The following PHKB variants were observed in gnomAD, a reference collection of about 807,000 sequenced individuals.
The protein encoded by PHKB is phosphorylase kinase regulatory subunit beta, also known as phosphorylase b kinase regulatory subunit beta.
PHKB carries 122 observed loss-of-function variants against 152.1 expected under a neutral mutation model. The ratio of observed to expected loss-of-function variants is 0.80; its 90% CI spans 0.69 to 0.93. The LOEUF is 0.93. PHKB is among the 40% of genes least tolerant of loss of function. The pLI, the probability that PHKB is intolerant of heterozygous loss-of-function variation, is 0.00. For missense variants in PHKB, 1,304 were observed against 1,328.4 expected, an observed-to-expected ratio of 0.98 and a Z score of 0.29; for synonymous variants, 436 against 464.9, an observed-to-expected ratio of 0.94 and a Z score of 0.80.
At chr16:47,646,657 T>C (rs1973133956) in intron 16 of PHKB, among the ~76,000 whole-genome samples, 1 of 150,924 alleles carries the variant, frequency 6.6e-6, no homozygotes, top group Admixed American at 6.6e-5. Flanking sequence ...TATTTTAATG[T>C]AGTAGTTTAA....
chr16:47,629,360 G>T (rs1396223896), intron 14 of PHKB, among the ~76,000 whole-genome samples: 1 of 151,786 alleles, frequency 6.6e-6, no homozygotes, highest in Non-Finnish European at 1.5e-5. Context: ...AAAAGTGGGC[G>T]AAGGACATGA....
chr16:47,545,452 C>T (rs532165503), intron 6 of PHKB, among the ~76,000 whole-genome samples: 7 of 152,280 alleles, frequency 4.6e-5, no homozygotes, highest in East Asian at 3.9e-4. Flanking sequence ...TGGTTTCTGC[C>T]GTGAGGTCTG....
chr16:47,689,312 A>T, intron 27 of PHKB, 137 bp downstream of exon 27: 1 of 780,430 alleles, frequency 1.3e-6, no homozygotes, highest in Non-Finnish European at 2.2e-6. Flanking sequence ...ACCCCACTAG[A>T]TGGAAAGTGT....
intron 8 of PHKB, among the ~76,000 whole-genome samples, chr16:47,582,448 A>T (rs1282337585): frequency 2.0e-5 from 3 of 152,180 alleles, no homozygotes; most frequent in Admixed American, 6.5e-5. Flanking sequence ...CTGCATTTGG[A>T]TTCTGAGTTA....
chr16:47,564,056 T>A (rs890298902), intron 7 of PHKB, among the ~76,000 whole-genome samples: 4 of 151,716 alleles, frequency 2.6e-5, no homozygotes, highest in Admixed American at 2.6e-4. Context: ...TTGTCACATT[T>A]TTTTTTAATC....
In PHKB at chr16:47,659,149, C is replaced by T. The variant is rs142258186; in HGVS notation, c.1972-1357C>T. Reference sequence around the variant, plus strand: ...CTAGTAAAAATGTGTAGATCAACTGCATATTCGGCCTTTCTCACTCAAACT... The same window carrying T: ...CTAGTAAAAATGTGTAGATCAACTGTATATTCGGCCTTTCTCACTCAAACT... On this transcript the variant is annotated intron_variant, in intron 20 of 30. Transcript: ENST00000323584. Among the ~76,000 whole-genome samples, 302 of 145,414 alleles carry T rather than the reference C, an allele frequency of 2.1e-3. 1 individual carries two copies. The highest frequency in any genetic ancestry group is 3.6e-3 in the Non-Finnish European group (232 of 65,174).
chr16:47,463,036 A>G (rs72800654), intron 1 of PHKB: 11,910 of 152,688 alleles, frequency 0.078, 617 homozygotes, highest in Non-Finnish European at 0.11. Flanking sequence ...CTATCTGGAT[A>G]TAAAAAGTGT....
At chr16:47,517,319 C>T (rs981800877) in intron 6 of PHKB, among the ~76,000 whole-genome samples, 4 of 151,460 alleles carry the variant, frequency 2.6e-5, no homozygotes, top group African/African-American at 7.3e-5. Context: ...GCAGTAACAC[C>T]GTTTCAGCTC....
chr16:47,680,553 C>G (rs181713850), intron 26 of PHKB, among the ~76,000 whole-genome samples: 17,871 of 152,106 alleles, frequency 0.12, 2,289 homozygotes, highest in African/African-American at 0.32. Flanking sequence ...AGTTTATTTG[C>G]GTAGAGGTGT....
intron 14 of PHKB, among the ~76,000 whole-genome samples, chr16:47,634,272 C>T (rs1328105780): frequency 1.3e-5 from 2 of 152,188 alleles, no homozygotes; most frequent in African/African-American, 2.4e-5. Context: ...AAATATTTTA[C>T]ATGCCCTCTT....
chr16:47,552,748 C>T (rs929578180), intron 7 of PHKB, among the ~76,000 whole-genome samples: 4 of 151,768 alleles, frequency 2.6e-5, no homozygotes, highest in African/African-American at 9.7e-5. Flanking sequence ...AATCAAGAGG[C>T]AGAGTTTGTG....
chr16:47,669,763 T>G (rs1445194212), intron 26 of PHKB, among the ~76,000 whole-genome samples: 1 of 152,236 alleles, frequency 6.6e-6, no homozygotes, highest in Non-Finnish European at 1.5e-5. Flanking sequence ...AAGAGAAGAA[T>G]GATTTTCAGT....
At chr16:47,536,466 G>C (rs184395373) in intron 6 of PHKB, among the ~76,000 whole-genome samples, 3 of 152,298 alleles carry the variant, frequency 2.0e-5, no homozygotes, top group Admixed American at 2.0e-4. Flanking sequence ...TCTGAGCTCA[G>C]AGAAGTTATA....
At chr16:47,660,842 A>G (rs780709152) in intron 22 of PHKB, 23 bp downstream of exon 22, 25 of 1,613,066 alleles carry the variant, frequency 1.5e-5, no homozygotes, top group Middle Eastern at 1.7e-4. Context: ...CACTTCCCAC[A>G]TGGCCCTAAG....
chr16:47,482,650 C>T (rs908313021), intron 1 of PHKB, among the ~76,000 whole-genome samples: 6 of 152,224 alleles, frequency 3.9e-5, no homozygotes, highest in African/African-American at 1.4e-4. Context: ...GTACGACTTG[C>T]GTAGAATAAT....
chr16:47,633,036 G>C (rs530515136), intron 14 of PHKB, among the ~76,000 whole-genome samples: 12 of 152,198 alleles, frequency 7.9e-5, no homozygotes, highest in African/African-American at 2.9e-4. Context: ...TTAAATTTAG[G>C]TTATGTGGGG....
Position 47,698,603 on chromosome 16 carries a change from T to TTTC in PHKB, c.3144+17_3144+18insCTT. On this transcript the variant is annotated intron_variant, in intron 30 of 30. Coordinates refer to ENST00000323584, the MANE Select transcript of PHKB (RefSeq NM_000293.3). Reference sequence around the variant, plus strand: ...TTGAAAAACAAGTAAGTACACAGCTTTTTTTTTTTTTTTTTTTTTGAGAAT... The same window carrying TTTC: ...TTGAAAAACAAGTAAGTACACAGCTTTTCTTTTTTTTTTTTTTTTTTTGAGAAT... 1 of 1,380,292 alleles carries TTTC rather than the reference T, an allele frequency of 7.2e-7. No homozygotes were observed. 85.5% of individuals were successfully genotyped at this position (1,380,292 alleles called of 1,614,324 possible).
intron 14 of PHKB, chr16:47,619,129 G>A (rs1972573523): frequency 6.6e-6 from 1 of 152,106 alleles, no homozygotes; most frequent in Non-Finnish European, 1.5e-5. Context: ...CCATTTTACA[G>A]GTAGACAACG....
chr16:47,462,694 A>G (rs1027671160), intron 1 of PHKB: 3 of 139,120 alleles, frequency 2.2e-5, no homozygotes, highest in South Asian at 2.2e-4. Context: ...GGCTTTTCCT[A>G]TTTATGAAGT....
Sources: gnomAD v4.1 joint callset for allele counts (sites outside exome capture counted in the v4.1 genomes callset) on GRCh38, gnomAD v4.1.1 for gene constraint, MANE v1.5 for transcripts, NCBI Gene and HGNC (gene_info 2026-07-23, HGNC 2026-07-21) for gene names.